Variants in WDR43 observed in about 807,000 individuals in gnomAD.
WDR43 encodes the protein WD repeat-containing protein 43.
WDR43 carries 13 observed loss-of-function variants against 91.4 expected under a neutral mutation model. That is an observed-to-expected ratio of 0.14 (90% CI 0.09 to 0.23). The LOEUF (loss-of-function observed/expected upper bound fraction) is 0.23, where lower values mean the gene tolerates loss of function less well. WDR43 is among the 10% of genes least tolerant of loss of function. The pLI is 1.00. For synonymous variants in WDR43, 331 were observed against 287.9 expected (o/e 1.15, Z -1.51); for missense variants, 780 against 809.4 (o/e 0.96, Z 0.44).
At chr2:28,896,320 C>A (rs1034104138) in intron 1 of WDR43, among the ~76,000 whole-genome samples, 2 of 152,128 alleles carry the variant, frequency 1.3e-5, no homozygotes, top group Non-Finnish European at 2.9e-5. Flanking sequence ...TCTGGTTCCT[C>A]ATTTATGAAA....
intron 11 of WDR43, among the ~76,000 whole-genome samples, chr2:28,934,493 C>T (rs1213667571): frequency 6.6e-6 from 1 of 152,152 alleles, no homozygotes; most frequent in Non-Finnish European, 1.5e-5. Context: ...GTAGTTATAA[C>T]TATGGCTTAT....
chr2:28,932,356 C>T (rs972342419), intron 11 of WDR43, among the ~76,000 whole-genome samples: 3 of 152,090 alleles, frequency 2.0e-5, no homozygotes, highest in African/African-American at 7.2e-5. Context: ...AGAGACAGGA[C>T]TTCACTGCGT....
At chr2:28,941,386 G>T in intron 14 of WDR43, 75 bp from the exon 15 acceptor site, 1 of 1,125,838 alleles carries the variant, frequency 8.9e-7, no homozygotes, top group Non-Finnish European at 1.3e-6. Flanking sequence ...AAATACTGAG[G>T]CATAGCTGAG....
intron 5 of WDR43, among the ~76,000 whole-genome samples, chr2:28,916,674 T>C (rs1205984345): frequency 6.6e-6 from 1 of 152,136 alleles, no homozygotes; most frequent in Non-Finnish European, 1.5e-5. Context: ...TCGGTTCTCG[T>C]TATTTATAAT....
Position 28,914,057 on chromosome 2 carries a change from A to G in WDR43, c.607-12A>G. 6.2e-7 allele frequency: 1 copy of G among 1,611,072 alleles called. No homozygotes were observed. The highest frequency in any genetic ancestry group is 1.7e-5 in the Admixed American group (1 of 59,644). Reference sequence around the variant, plus strand: ...GAATCTGCTCTCCTAACTGAGATTTAACTTTCTCTAGCATTTCACAGGACA... The same window carrying G: ...GAATCTGCTCTCCTAACTGAGATTTGACTTTCTCTAGCATTTCACAGGACA... On this transcript the variant is annotated splice_polypyrimidine_tract_variant and intron_variant, in intron 4 of 17. Coordinates refer to ENST00000407426, the MANE Select transcript of WDR43 (RefSeq NM_015131.3).
chr2:28,895,083 C>A, intron 1 of WDR43, 160 bp downstream of exon 1: 1 of 673,292 alleles, frequency 1.5e-6, no homozygotes, highest in Non-Finnish European at 2.1e-6. Context: ...AGCCGCCAGC[C>A]CCGCGTGCGG....
chr2:28,898,293 C>T (rs568361211), intron 1 of WDR43, among the ~76,000 whole-genome samples: 34 of 152,316 alleles, frequency 2.2e-4, no homozygotes, highest in African/African-American at 8.2e-4. Context: ...GACAGGGTGT[C>T]TGAGTTGGGT....
intron 1 of WDR43, among the ~76,000 whole-genome samples, chr2:28,901,764 C>CT (rs944527912): frequency 2.0e-5 from 3 of 152,052 alleles, no homozygotes; most frequent in Non-Finnish European, 4.4e-5. Context: ...TATTTGCTGC[C>CT]TTTTTTCCAT....
rs758802898 is a variant in WDR43, at chr2:28,914,210, T to C, written c.746+2T>C. On this transcript the variant is annotated splice_donor_variant, in intron 5 of 17. Transcript: ENST00000407426. LOFTEE classifies it high-confidence loss of function. ...ACATGACCGGTTACTTAATGTCTGG[T>C]ATGTAGTTCTTTTGGATTTGGGAGG... is the stretch of plus-strand genomic sequence containing the variant. 2.1e-5 allele frequency: 33 copies of C among 1,607,586 alleles called. No homozygotes were observed. Among genetic ancestry groups the C allele is most frequent in the Admixed American group, 3.4e-5 (2 of 58,826 alleles).
intron 14 of WDR43, among the ~76,000 whole-genome samples, chr2:28,938,210 C>T (rs544028722): frequency 6.6e-6 from 1 of 152,242 alleles, no homozygotes; most frequent in African/African-American, 2.4e-5. Flanking sequence ...GTCTTCCCCT[C>T]TGCCCCCCGG....
chr2:28,901,464 G>T (rs766097066), intron 1 of WDR43, among the ~76,000 whole-genome samples: 11 of 152,170 alleles, frequency 7.2e-5, no homozygotes, highest in Non-Finnish European at 1.5e-4. Flanking sequence ...GCTATTTGTT[G>T]ACTCAAATTG....
intron 2 of WDR43, among the ~76,000 whole-genome samples, chr2:28,903,949 C>T (rs574881295): frequency 2.7e-4 from 41 of 152,162 alleles, no homozygotes; most frequent in African/African-American, 9.4e-4. Flanking sequence ...GGATTACAGA[C>T]GTGCACCACC....
chr2:28,946,483 C>T lies in WDR43; in HGVS notation c.1838C>T (p.Ala613Val), dbSNP rs1671544306. The change falls in exon 17 of 18, where the codon GCA becomes GTA. Residue 613 changes from alanine to valine, a missense_variant. Coordinates refer to ENST00000407426, the MANE Select transcript of WDR43 (RefSeq NM_015131.3). ...GAAGAGGAGTCTGATGATGAAATAG[C>T]AGATAAGGATTCTGAAGTGAGTGAT... ...SSEEESDDEI[A>V]DKDSEDNWDE... 1 of 1,611,980 alleles carries T rather than the reference C, an allele frequency of 6.2e-7. No homozygotes were observed. The highest frequency in any genetic ancestry group is 8.5e-7 in the Non-Finnish European group (1 of 1,179,034).
intron 9 of WDR43, chr2:28,927,189 C>G (rs547378677): frequency 1.9e-6 from 1 of 515,056 alleles, no homozygotes; most frequent in Non-Finnish European, 3.9e-6. Context: ...AAATGTGTAA[C>G]TTCACTTTTT....
intron 8 of WDR43, among the ~76,000 whole-genome samples, chr2:28,925,892 A>AT (rs1334230999): frequency 2.0e-5 from 3 of 152,052 alleles, no homozygotes; most frequent in African/African-American, 4.8e-5. Context: ...ATTGTTGACT[A>AT]TTTTTTTGCA....
chr2:28,940,450 G>T (rs1671414975), intron 14 of WDR43, among the ~76,000 whole-genome samples: 1 of 151,994 alleles, frequency 6.6e-6, no homozygotes. Context: ...GGCTGGTCTT[G>T]AACCCCTGAC....
At chr2:28,943,686 G>A (rs1164339615) in intron 16 of WDR43, among the ~76,000 whole-genome samples, 1 of 152,142 alleles carries the variant, frequency 6.6e-6, no homozygotes, top group Non-Finnish European at 1.5e-5. Flanking sequence ...TTGATGGTGT[G>A]TATTGTATCA....
chr2:28,934,220 A>C (rs1480684257), intron 11 of WDR43, among the ~76,000 whole-genome samples: 1 of 152,192 alleles, frequency 6.6e-6, no homozygotes, highest in Non-Finnish European at 1.5e-5. Context: ...TATTTATATA[A>C]AAATTCTGGA....
intron 4 of WDR43, chr2:28,913,695 C>T (rs145884226): frequency 3.8e-4 from 201 of 524,400 alleles, no homozygotes; most frequent in African/African-American, 3.4e-3. Flanking sequence ...ATTGTGGTTT[C>T]GACTCACTGA....
Sources: allele counts gnomAD v4.1 joint callset (sites outside exome capture counted in the v4.1 genomes callset), GRCh38; gene constraint gnomAD v4.1.1; transcripts MANE v1.5; gene names NCBI Gene and HGNC (gene_info 2026-07-23, HGNC 2026-07-21).